Variants in ADARB2 observed in about 807,000 individuals in gnomAD.
The protein encoded by ADARB2 is inactive double-stranded RNA-specific editase B2.
A neutral mutation model predicts 62.2 loss-of-function variants in ADARB2; 25 were observed. The ratio of observed to expected loss-of-function variants is 0.40; its 90% CI spans 0.29 to 0.56. ADARB2 has a LOEUF of 0.56. ADARB2 is among the 20% of genes least tolerant of loss of function. The probability of loss-of-function intolerance (pLI) is 0.43; values close to 1 mark genes in which losing one functional copy is unlikely to be tolerated. For missense variants in ADARB2, 1,071 were observed against 1,077.4 expected (o/e 0.99, Z 0.08); for synonymous variants, 572 against 500.8 (o/e 1.14, Z -1.90).
intron 1 of ADARB2, among the ~76,000 whole-genome samples, chr10:1,405,065 G>T (rs1832695926): frequency 6.6e-6 from 1 of 152,176 alleles, no homozygotes; most frequent in Non-Finnish European, 1.5e-5. Flanking sequence ...AGCTCCGAGG[G>T]CTCCCAGAGC....
At chr10:1,638,462 T>C (rs1000082808) in intron 1 of ADARB2, among the ~76,000 whole-genome samples, 1 of 152,204 alleles carries the variant, frequency 6.6e-6, no homozygotes, top group African/African-American at 2.4e-5. Context: ...TTTGACTCAA[T>C]TGAGACCTTA....
At chr10:1,283,380 T>A (rs1564245917) in intron 3 of ADARB2, among the ~76,000 whole-genome samples, 2 of 152,216 alleles carry the variant, frequency 1.3e-5, no homozygotes, top group African/African-American at 4.8e-5. Flanking sequence ...ACTTTATAAT[T>A]AAGGGGCTGC....
intron 1 of ADARB2, among the ~76,000 whole-genome samples, chr10:1,628,289 C>T (rs1050367530): frequency 1.2e-4 from 19 of 152,330 alleles, no homozygotes; most frequent in East Asian, 5.8e-4. Flanking sequence ...CCCTGCTAGC[C>T]GTGGGTAGTG....
chr10:1,490,485 C>T (rs1213866978), intron 1 of ADARB2, among the ~76,000 whole-genome samples: 1 of 152,100 alleles, frequency 6.6e-6, no homozygotes, highest in African/African-American at 2.4e-5. Context: ...GACAGAGTCT[C>T]GCTCTGTGGC....
chr10:1,682,410 C>G lies in ADARB2; in HGVS notation c.100+54641G>C, dbSNP rs140545539. Among the ~76,000 whole-genome samples, 1,034 of 152,304 alleles carry G rather than the reference C, an allele frequency of 6.8e-3. 8 individuals are homozygous for G. Among genetic ancestry groups the G allele is most frequent in the African/African-American group, 0.021 (881 of 41,568 alleles). On this transcript the variant is annotated intron_variant, in intron 1 of 9. Transcript: ENST00000381312. ...AGAAAGCTGCCTGGGAAGCCATTTG[C>G]ACTTTAAGGAAACCAGTATCCCCTG...
At position 1,396,303 on chromosome 10, in the gene ADARB2, C is replaced by T. The variant is rs1250451993; in HGVS notation, c.101-17143G>A. ...GAACTTCCCATCCCTGTCCCCACCC[C>T]CTCGGTGACCCATCGCAGCTGCACG... is the stretch of plus-strand genomic sequence containing the variant. On this transcript the variant is annotated intron_variant, in intron 1 of 9. Transcript: ENST00000381312. Among the ~76,000 whole-genome samples, 2 of 152,300 alleles carry T rather than the reference C, an allele frequency of 1.3e-5. 1 individual carries two copies. Among genetic ancestry groups the T allele is most frequent in the East Asian group, 3.9e-4 (2 of 5,162 alleles).
intron 1 of ADARB2, among the ~76,000 whole-genome samples, chr10:1,683,037 G>A (rs772066384): frequency 2.6e-5 from 4 of 152,214 alleles, no homozygotes; most frequent in African/African-American, 4.8e-5. Context: ...CTTCATTTGC[G>A]TGGAAGCAGA....
At chr10:1,234,673 C>T (rs1389802215) in intron 5 of ADARB2, among the ~76,000 whole-genome samples, 1 of 149,234 alleles carries the variant, frequency 6.7e-6, no homozygotes, top group African/African-American at 2.5e-5. Context: ...AACTTCTGAG[C>T]TCAAGCGATC....
intron 3 of ADARB2, among the ~76,000 whole-genome samples, chr10:1,327,088 T>C (rs373025994): frequency 0.04 from 1,278 of 31,880 alleles, 128 homozygotes; most frequent in Admixed American, 0.056. Context: ...CAGCGCCTCC[T>C]CACTGCACAG....
chr10:1,206,910 A>T (rs113293991), intron 7 of ADARB2, among the ~76,000 whole-genome samples: 8,081 of 152,272 alleles, frequency 0.053, 707 homozygotes, highest in African/African-American at 0.18. Flanking sequence ...CTCTGGTCTC[A>T]GGAGCTGTGG....
Position 1,357,984 on chromosome 10 carries a change from G to C in ADARB2, c.1077+5044C>G, listed in dbSNP as rs574990011. Reference sequence around the variant, plus strand: ...TGCTGACTGTAAGTCTTTCTCTCTGGTGTAGATCTATATACACACATATGT... The same window carrying C: ...TGCTGACTGTAAGTCTTTCTCTCTGCTGTAGATCTATATACACACATATGT... On this transcript the variant is annotated intron_variant, in intron 3 of 9. Coordinates refer to ENST00000381312, the MANE Select transcript of ADARB2 (RefSeq NM_018702.4). 2.0e-5 allele frequency among the ~76,000 whole-genome samples: 3 copies of C among 152,310 alleles called. No homozygotes were observed. In the South Asian group the frequency reaches 6.2e-4, roughly 32 times the overall value.
At chr10:1,471,487 T>C (rs1831321866) in intron 1 of ADARB2, among the ~76,000 whole-genome samples, 1 of 152,022 alleles carries the variant, frequency 6.6e-6, no homozygotes, top group Admixed American at 6.6e-5. Context: ...GCCTCCCAGG[T>C]TCAAGCGCTT....
intron 6 of ADARB2, among the ~76,000 whole-genome samples, chr10:1,231,085 A>G (rs1830799833): frequency 6.6e-6 from 1 of 152,122 alleles, no homozygotes; most frequent in Non-Finnish European, 1.5e-5. Context: ...CCAGTGGACT[A>G]GAACTGTCCC....
Position 1,363,019 on chromosome 10 carries a change from G to A in ADARB2, c.1077+9C>T, listed in dbSNP as rs546859961. ...CGCCCGTTCCCCCTGCACCCGCCGCGCCCCTCACCTGCGGCATTGGCGTCC... is the reference window on the plus strand; with the variant it reads ...CGCCCGTTCCCCCTGCACCCGCCGCACCCCTCACCTGCGGCATTGGCGTCC... On this transcript the variant is annotated intron_variant, in intron 3 of 9. Coordinates refer to ENST00000381312, the MANE Select transcript of ADARB2 (RefSeq NM_018702.4). 3.9e-5 allele frequency: 53 copies of A among 1,354,412 alleles called. No homozygotes were observed. The highest frequency in any genetic ancestry group is 2.8e-4 in the Admixed American group (9 of 31,986). 83.9% of individuals were successfully genotyped at this position (1,354,412 alleles called of 1,614,324 possible).
At chr10:1,505,214 C>T (rs1831826986) in intron 1 of ADARB2, among the ~76,000 whole-genome samples, 1 of 152,060 alleles carries the variant, frequency 6.6e-6, no homozygotes. Flanking sequence ...GACACACATG[C>T]ACACACAGAA....
intron 1 of ADARB2, among the ~76,000 whole-genome samples, chr10:1,435,858 G>C (rs1341529904): frequency 2.0e-5 from 3 of 152,148 alleles, no homozygotes; most frequent in Non-Finnish European, 4.4e-5. Flanking sequence ...GAGTAAAAAC[G>C]TTTCGAAGGG....
intron 7 of ADARB2, among the ~76,000 whole-genome samples, chr10:1,212,876 G>A (rs114734043): frequency 6.9e-4 from 105 of 152,208 alleles, no homozygotes; most frequent in African/African-American, 2.4e-3. Flanking sequence ...CCAACCCACC[G>A]TGGCAGGCAC....
intron 1 of ADARB2, among the ~76,000 whole-genome samples, chr10:1,509,830 A>C (rs966693298): frequency 1.2e-4 from 19 of 152,236 alleles, no homozygotes; most frequent in Non-Finnish European, 2.6e-4. Flanking sequence ...ATCTTATCTT[A>C]AAGGGGCATC....
At chr10:1,292,778 G>A (rs537316922) in intron 3 of ADARB2, 6 of 152,146 alleles carry the variant, frequency 3.9e-5, no homozygotes, top group African/African-American at 7.2e-5. Context: ...ACACCCCAAC[G>A]GGGAACAGAG....
Sources: gnomAD v4.1 joint callset for allele counts (sites outside exome capture counted in the v4.1 genomes callset) on GRCh38, gnomAD v4.1.1 for gene constraint, MANE v1.5 for transcripts, NCBI Gene and HGNC (gene_info 2026-07-23, HGNC 2026-07-21) for gene names.